RALYL: variants seen among roughly 807,000 people sequenced by gnomAD.
The protein encoded by RALYL is RNA-binding Raly-like protein.
Under a neutral mutation model 35.1 loss-of-function variants are expected in RALYL, and 29 were observed. That is an observed-to-expected ratio of 0.83 (90% confidence interval 0.61 to 1.13). The LOEUF is 1.13. Among genes scored for constraint, RALYL ranks in the 50% most tolerant of loss-of-function variants. The probability of loss-of-function intolerance (pLI) is 0.00; values close to 1 mark genes in which losing one functional copy is unlikely to be tolerated. For missense variants in RALYL, 359 were observed against 360.4 expected (o/e 1.00, Z 0.03); for synonymous variants, 120 against 127.6 (o/e 0.94, Z 0.40).
At chr8:84,910,854 A>G (rs1185752653) in intron 8 of RALYL, among the ~76,000 whole-genome samples, 1 of 151,940 alleles carries the variant, frequency 6.6e-6, no homozygotes, top group Admixed American at 6.6e-5. Context: ...ATGAAAACTA[A>G]TAACTTTGAG....
chr8:84,913,758 AGT>A (rs1847961238), intron 8 of RALYL, among the ~76,000 whole-genome samples: 1 of 152,006 alleles, frequency 6.6e-6, no homozygotes, highest in African/African-American at 2.4e-5. Flanking sequence ...GAGTGTTAAA[AGT>A]GTTTTGGTAA....
At chr8:84,483,605 C>G (rs373523595) in intron 1 of RALYL, among the ~76,000 whole-genome samples, 1 of 152,132 alleles carries the variant, frequency 6.6e-6, no homozygotes, top group East Asian at 1.9e-4. Flanking sequence ...TATATGCAAC[C>G]AAGCAAAGAT....
intron 2 of RALYL, among the ~76,000 whole-genome samples, chr8:84,748,045 A>C (rs2133161137): frequency 6.6e-6 from 1 of 152,062 alleles, no homozygotes; most frequent in Admixed American, 6.6e-5. Context: ...GTGTCATCTT[A>C]ATACTTTTTA....
At chr8:84,501,644 T>G (rs751443513) in intron 1 of RALYL, among the ~76,000 whole-genome samples, 19 of 151,918 alleles carry the variant, frequency 1.3e-4, no homozygotes, top group Non-Finnish European at 2.7e-4. Flanking sequence ...TCAAGAAATT[T>G]AGATTATATC....
chr8:84,722,617 TTATATATATATATATATATA>T (rs71823678), intron 2 of RALYL, among the ~76,000 whole-genome samples: 1 of 97,408 alleles, frequency 1.0e-5, no homozygotes. Context: ...TAGAGTGATT[TTATATATATATATATATATA>T]TATATATATA....
chr8:84,677,780 A>G (rs1195552441), intron 2 of RALYL, among the ~76,000 whole-genome samples: 1 of 152,216 alleles, frequency 6.6e-6, no homozygotes, highest in Non-Finnish European at 1.5e-5. Flanking sequence ...CTCCCACGTG[A>G]AATGACTTTT....
intron 2 of RALYL, among the ~76,000 whole-genome samples, chr8:84,697,538 C>T (rs28532962): frequency 1.9e-3 from 296 of 152,082 alleles, no homozygotes; most frequent in South Asian, 3.3e-3. Flanking sequence ...CTTCATGCAC[C>T]AATTAGGCTT....
chr8:84,791,295 G>C (rs1820726602), intron 3 of RALYL, among the ~76,000 whole-genome samples: 1 of 152,210 alleles, frequency 6.6e-6, no homozygotes, highest in Admixed American at 6.5e-5. Context: ...TGCTAGCAAA[G>C]GCCCTAAAGC....
At chr8:84,208,164 G>A (rs1818531076) in intron 1 of RALYL, among the ~76,000 whole-genome samples, 3 of 152,110 alleles carry the variant, frequency 2.0e-5, no homozygotes, top group East Asian at 3.9e-4. Flanking sequence ...AAGATTGATC[G>A]GCTATATGAA....
chr8:84,883,377 C>T (rs1053118729), intron 7 of RALYL, among the ~76,000 whole-genome samples: 3 of 151,748 alleles, frequency 2.0e-5, no homozygotes, highest in Non-Finnish European at 4.4e-5. Flanking sequence ...AAAGACATAC[C>T]CAAGACTGGG....
chr8:84,217,598 G>A (rs552638591), intron 1 of RALYL, among the ~76,000 whole-genome samples: 9 of 152,134 alleles, frequency 5.9e-5, no homozygotes, highest in Admixed American at 2.0e-4. Context: ...GAAACGTAAG[G>A]TTTTTATACC....
intron 1 of RALYL, among the ~76,000 whole-genome samples, chr8:84,402,400 G>A (rs533469048): frequency 3.6e-4 from 54 of 151,972 alleles, no homozygotes; most frequent in Non-Finnish European, 5.7e-4. Context: ...CCATAACTTA[G>A]ATTTTAATAT....
chr8:84,753,296 T>C lies in RALYL; in HGVS notation c.257-21283T>C, dbSNP rs1810523266. Among the ~76,000 whole-genome samples the C allele has an allele frequency of 1.3e-5, 2 of 152,220 alleles. 1 individual carries two copies. Among genetic ancestry groups the C allele is most frequent in the South Asian group, 4.1e-4 (2 of 4,834 alleles). On this transcript the variant is annotated intron_variant, in intron 2 of 8. Transcript: ENST00000521268. The stretch of plus-strand genomic sequence containing the variant: ...TTGTAACTCCATTGTACTTTGAAAG[T>C]ATCTAACTTGATCTTTATTTTACAG...
chr8:84,833,470 T>G (rs1438696337), intron 4 of RALYL, among the ~76,000 whole-genome samples: 1 of 151,856 alleles, frequency 6.6e-6, no homozygotes, highest in Non-Finnish European at 1.5e-5. Context: ...AAACCCTGTC[T>G]CTACTAAAAA....
intron 3 of RALYL, among the ~76,000 whole-genome samples, chr8:84,804,313 C>CAATA (rs1348250646): frequency 6.6e-6 from 1 of 152,058 alleles, no homozygotes; most frequent in Non-Finnish European, 1.5e-5. Context: ...GTGTTAAGAC[C>CAATA]AATAAATAAC....
At chr8:84,777,957 T>G (rs1817237749) in intron 3 of RALYL, among the ~76,000 whole-genome samples, 1 of 152,160 alleles carries the variant, frequency 6.6e-6, no homozygotes, top group African/African-American at 2.4e-5. Context: ...TCTGTTTTCT[T>G]ATCTGTAAAA....
At chr8:84,504,696 T>TAAC (rs2057010592) in intron 1 of RALYL, among the ~76,000 whole-genome samples, 2 of 152,158 alleles carry the variant, frequency 1.3e-5, no homozygotes, top group African/African-American at 4.8e-5. Context: ...TGTTAAGTAA[T>TAAC]GTAAGCAAGT....
chr8:84,831,557 T>C (rs1383198295), intron 4 of RALYL, among the ~76,000 whole-genome samples: 1 of 152,194 alleles, frequency 6.6e-6, no homozygotes, highest in Non-Finnish European at 1.5e-5. Context: ...TATTTAGTCA[T>C]GTTCTTTAAC....
At chr8:84,896,539 C>T (rs1844769397) in intron 8 of RALYL, among the ~76,000 whole-genome samples, 2 of 152,092 alleles carry the variant, frequency 1.3e-5, no homozygotes, top group African/African-American at 4.8e-5. Context: ...GAAGTCCTTA[C>T]GTTGATCTAC....
Sources: allele counts gnomAD v4.1 joint callset (sites outside exome capture counted in the v4.1 genomes callset), GRCh38; gene constraint gnomAD v4.1.1; transcripts MANE v1.5; gene names NCBI Gene and HGNC (gene_info 2026-07-23, HGNC 2026-07-21).